The following IL19 variants were observed in gnomAD, a reference collection of about 807,000 sequenced individuals.
IL19 encodes the protein interleukin 19.
IL19 carries 15 observed loss-of-function variants against 19.5 expected under a neutral mutation model. The observed-to-expected ratio is 0.77, with a 90% CI of 0.52 to 1.19. The LOEUF is 1.19. Ranked by LOEUF, IL19 falls within the 50% of genes most tolerant of loss-of-function variation. The probability of loss-of-function intolerance (pLI) is 0.00; values close to 1 mark genes in which losing one functional copy is unlikely to be tolerated. For missense variants in IL19, 199 were observed against 213.1 expected (o/e 0.93, Z 0.41); for synonymous variants, 78 against 78.3 (o/e 1.00, Z 0.02).
intron 2 of IL19, among the ~76,000 whole-genome samples, chr1:206,824,041 G>C (rs1676366131): frequency 1.3e-5 from 2 of 152,218 alleles, no homozygotes; most frequent in Non-Finnish European, 2.9e-5. Flanking sequence ...AAATGGTCCT[G>C]AGTGTTTTGA....
In IL19 at chr1:206,790,596, C is replaced by T. The variant is rs116594261; in HGVS notation, c.-148-8265C>T. ...TGTGTCAGAGCTATATTTTCCACTC[C>T]GGCTACTGTGATTTGGTTGTGGCAC... is the stretch of plus-strand genomic sequence containing the variant. On this transcript the variant is annotated intron_variant, in intron 1 of 6. Coordinates refer to ENST00000659997, the MANE Select transcript of IL19 (RefSeq NM_153758.5). Among the ~76,000 whole-genome samples, 1,360 of 152,304 alleles carry T rather than the reference C, an allele frequency of 8.9e-3. 31 individuals are homozygous for T. The highest frequency in any genetic ancestry group is 0.031 in the African/African-American group (1,272 of 41,550).
chr1:206,771,225 T>C, intron 1 of IL19, 147 bp downstream of exon 1: 1 of 1,140,830 alleles, frequency 8.8e-7, no homozygotes, highest in Non-Finnish European at 1.3e-6. Context: ...CTGGATGTGC[T>C]GAGTTAACAT....
rs760541762 is a variant in IL19 at position 206,836,692 on chromosome 1, C to T, written c.30C>T (p.Leu10=). The stretch of plus-strand genomic sequence containing the variant: ...AGTTACAGTGTGTTTCCCTTTGGCT[C>T]CTGGGTACAATACTGATATTGTGCT... MKLQCVSLW[L]LGTILILCSV... The change falls in exon 3 of 7, where the codon CTC becomes CTT. Residue 10 remains leucine, a synonymous_variant. Transcript: ENST00000659997. 2 of 1,612,766 alleles carry T rather than the reference C, an allele frequency of 1.2e-6. No individual in the cohort carries two copies. Among genetic ancestry groups the T allele is most frequent in the Non-Finnish European group, 1.7e-6 (2 of 1,179,530 alleles).
At chr1:206,823,735 A>G (rs954951777) in intron 2 of IL19, among the ~76,000 whole-genome samples, 2 of 152,240 alleles carry the variant, frequency 1.3e-5, no homozygotes, top group Non-Finnish European at 2.9e-5. Flanking sequence ...GTTATTAAAC[A>G]AACATAACAC....
chr1:206,832,503 A>C (rs1676641179), intron 2 of IL19, among the ~76,000 whole-genome samples: 1 of 152,208 alleles, frequency 6.6e-6, no homozygotes, highest in African/African-American at 2.4e-5. Flanking sequence ...CTGCCTGGCC[A>C]TACCCTCGTC....
intron 1 of IL19, among the ~76,000 whole-genome samples, chr1:206,785,344 C>T (rs1446620317): frequency 6.6e-6 from 1 of 152,218 alleles, no homozygotes; most frequent in Non-Finnish European, 1.5e-5. Context: ...ACCATTGGCA[C>T]TTCCTTAACC....
intron 6 of IL19, 72 bp from the exon 7 acceptor site, chr1:206,842,455 T>C (rs1677047200): frequency 2.2e-6 from 2 of 890,930 alleles, no homozygotes; most frequent in African/African-American, 3.4e-5. Context: ...GGAACCAGCA[T>C]ATGAAGAAAG....
chr1:206,784,957 C>T (rs1037187047), intron 1 of IL19, among the ~76,000 whole-genome samples: 1 of 152,198 alleles, frequency 6.6e-6, no homozygotes, highest in Non-Finnish European at 1.5e-5. Flanking sequence ...ACCATGGGAT[C>T]CTGGATTCCC....
chr1:206,822,766 G>A (rs1404315987), intron 2 of IL19, among the ~76,000 whole-genome samples: 1 of 152,116 alleles, frequency 6.6e-6, no homozygotes, highest in Non-Finnish European at 1.5e-5. Flanking sequence ...CCACTTTGGT[G>A]TCCCCCAACG....
intron 1 of IL19, among the ~76,000 whole-genome samples, chr1:206,774,775 T>A (rs1674950541): frequency 6.6e-6 from 1 of 152,096 alleles, no homozygotes; most frequent in South Asian, 2.1e-4. Context: ...AGGTATCAGC[T>A]ATACTTGGGA....
At chr1:206,790,050 C>T (rs746412480) in intron 1 of IL19, among the ~76,000 whole-genome samples, 5 of 152,120 alleles carry the variant, frequency 3.3e-5, no homozygotes, top group Middle Eastern at 3.2e-3. Flanking sequence ...TAAGTAGATA[C>T]CCAGTAGTGG....
Position 206,770,817 on chromosome 1 carries a change from C to T in IL19, c.-410C>T. Reference sequence around the variant, plus strand: ...CTAGCTCTGCCAGTCTGTGTCTTTGCTGTGTCTGTGGATGTGAGTGTCCCT... The same window carrying T: ...CTAGCTCTGCCAGTCTGTGTCTTTGTTGTGTCTGTGGATGTGAGTGTCCCT... On this transcript the variant is annotated 5_prime_UTR_variant, in exon 1 of 7. Coordinates refer to ENST00000659997, the MANE Select transcript of IL19 (RefSeq NM_153758.5). 1 of 1,237,974 alleles carries T rather than the reference C, an allele frequency of 8.1e-7. No individual in the cohort carries two copies. Among genetic ancestry groups the T allele is most frequent in the Non-Finnish European group, 1.2e-6 (1 of 835,692 alleles). The allele number at this position is 1,237,974 out of a possible 1,614,324, so 76.7% of individuals were successfully genotyped here.
intron 2 of IL19, among the ~76,000 whole-genome samples, chr1:206,822,225 C>T (rs193270088): frequency 1.3e-4 from 20 of 151,998 alleles, no homozygotes; most frequent in Non-Finnish European, 2.2e-4. Flanking sequence ...TGGAGAAGGG[C>T]GATAGGGAAA....
intron 1 of IL19, among the ~76,000 whole-genome samples, chr1:206,778,268 C>T (rs1675055212): frequency 2.0e-5 from 3 of 152,286 alleles, no homozygotes; most frequent in South Asian, 4.1e-4. Flanking sequence ...TTTGGATTTT[C>T]CTTAGGGGAT....
intron 2 of IL19, among the ~76,000 whole-genome samples, chr1:206,807,217 T>C (rs1675870285): frequency 6.6e-6 from 1 of 152,138 alleles, no homozygotes; most frequent in Non-Finnish European, 1.5e-5. Flanking sequence ...ACCAGGTCCC[T>C]CCCATGACAT....
chr1:206,822,795 C>G (rs1676319946), intron 2 of IL19, among the ~76,000 whole-genome samples: 1 of 152,166 alleles, frequency 6.6e-6, no homozygotes, highest in Admixed American at 6.5e-5. Context: ...TCCCCCAAAC[C>G]TAGTGCAGGG....
At position 206,812,702 on chromosome 1, in the gene IL19, G is replaced by T. The variant is rs12354296; in HGVS notation, c.-3+13696G>T. 8.1e-3 allele frequency among the ~76,000 whole-genome samples: 1,228 copies of T among 152,304 alleles called. 13 individuals carry two copies. The highest frequency in any genetic ancestry group is 0.028 in the African/African-American group (1,162 of 41,570). ...CCACCACATAAAAAACCCCAACCGT[G>T]TGAGGTGCTGGATGAAGGCAAAGGA... On this transcript the variant is annotated intron_variant, in intron 2 of 6. Coordinates refer to ENST00000659997, the MANE Select transcript of IL19 (RefSeq NM_153758.5).
chr1:206,784,416 G>A (rs1446374389), intron 1 of IL19, among the ~76,000 whole-genome samples: 2 of 152,040 alleles, frequency 1.3e-5, no homozygotes, highest in African/African-American at 2.4e-5. Flanking sequence ...ACCAGGCCCT[G>A]TCAGCCTCTT....
chr1:206,783,754 T>C (rs1675199473), intron 1 of IL19, among the ~76,000 whole-genome samples: 1 of 152,202 alleles, frequency 6.6e-6, no homozygotes, highest in Admixed American at 6.5e-5. Flanking sequence ...GTGCGGGCCC[T>C]GGAGTCGGAC....
Sources: gnomAD v4.1 joint callset for allele counts (sites outside exome capture counted in the v4.1 genomes callset) on GRCh38, gnomAD v4.1.1 for gene constraint, MANE v1.5 for transcripts, NCBI Gene and HGNC (gene_info 2026-07-23, HGNC 2026-07-21) for gene names.